The following ANKRD16 variants were observed in gnomAD, a reference collection of about 807,000 sequenced individuals.
The protein encoded by ANKRD16 is ankyrin repeat domain-containing protein 16.
In ANKRD16, 35 loss-of-function variants were observed where a neutral mutation model predicts 37.9. That is an observed-to-expected ratio of 0.92 (90% confidence interval 0.71 to 1.23). The LOEUF (loss-of-function observed/expected upper bound fraction) is 1.23. ANKRD16 is among the 50% of genes most tolerant of loss of function. The pLI, the probability that ANKRD16 is intolerant of heterozygous loss-of-function variation, is 0.00. For synonymous variants in ANKRD16, 206 were observed against 197.2 expected, an observed-to-expected ratio of 1.04 and a Z score of -0.37; for missense variants, 480 against 469.9, an observed-to-expected ratio of 1.02 and a Z score of -0.20.
In ANKRD16 at chr10:5,878,785, CA is replaced by C. The variant is rs55672822; in HGVS notation, c.929-499del. Among the ~76,000 whole-genome samples the C allele has an allele frequency of 0.78, 93,844 of 121,058 alleles. 35,228 individuals are homozygous for C. The highest frequency in any genetic ancestry group is 0.82 in the East Asian group (3,452 of 4,186). The allele number at this position is 121,058 out of a possible 152,430, so 79.4% of individuals were successfully genotyped here. A position where few individuals can be genotyped will look rare whatever the true frequency, so the allele number is the denominator to read the frequency against. Reference sequence around the variant, plus strand: ...TGGGTGACAGAGCAAGACTCTGCCTCAAAAAAAAAAAAAAAAGAAAAAGAAA... The same window carrying C: ...TGGGTGACAGAGCAAGACTCTGCCTCAAAAAAAAAAAAAAAGAAAAAGAAA... On this transcript the variant is annotated intron_variant, in intron 6 of 7. Coordinates refer to ENST00000380094, the MANE Select transcript of ANKRD16 (RefSeq NM_019046.3). This position sits in a 1 kb window ranked among gnomAD's most constrained non-coding sequence, Gnocchi z 5.1.
Position 5,866,518 on chromosome 10 carries a change from G to A in ANKRD16, c.*34-3827C>T, listed in dbSNP as rs1484388456. Among the ~76,000 whole-genome samples the A allele has an allele frequency of 1.3e-5, 2 of 152,184 alleles. No individual in the cohort carries two copies. Among genetic ancestry groups the A allele is most frequent in the Non-Finnish European group, 2.9e-5 (2 of 68,036 alleles). On this transcript the variant is annotated intron_variant, in intron 7 of 7. Coordinates refer to ENST00000380094, the MANE Select transcript of ANKRD16 (RefSeq NM_019046.3). This position sits in a 1 kb window ranked among gnomAD's most constrained non-coding sequence, Gnocchi z 4.3. ...TGGGAAAGGAAAGGAGAATAAATGT[G>A]TATACAGATAGCAAGTATGCTTATC...
chr10:5,878,019 A>C lies in ANKRD16; in HGVS notation c.*33+78T>G. 2.1e-6 allele frequency: 3 copies of C among 1,417,230 alleles called. No homozygotes were observed. The highest frequency in any genetic ancestry group is 2.9e-6 in the Non-Finnish European group (3 of 1,038,808). 87.8% of individuals were successfully genotyped at this position (1,417,230 alleles called of 1,614,324 possible). A position where few individuals can be genotyped will look rare whatever the true frequency, so the allele number is the denominator to read the frequency against. The stretch of plus-strand genomic sequence containing the variant: ...ACATGCAGGATGAGGGAAGGGAGGA[A>C]GTGGAGGAGATGGAAAACTGGCTTC... On this transcript the variant is annotated intron_variant, in intron 7 of 7. Transcript: ENST00000380094. This position sits in a 1 kb window ranked among gnomAD's most constrained non-coding sequence, Gnocchi z 5.1.
chr10:5,878,064 T>C lies in ANKRD16; in HGVS notation c.*33+33A>G. On this transcript the variant is annotated intron_variant, in intron 7 of 7. Coordinates refer to ENST00000380094, the MANE Select transcript of ANKRD16 (RefSeq NM_019046.3). This position sits in a 1 kb window ranked among gnomAD's most constrained non-coding sequence, Gnocchi z 5.1. Reference sequence around the variant, plus strand: ...GGCTTCCAACTGGTTTCGCTGAATCTGTGACTGACTTAAGAAGCAGGATAT... The same window carrying C: ...GGCTTCCAACTGGTTTCGCTGAATCCGTGACTGACTTAAGAAGCAGGATAT... 6.4e-7 allele frequency: 1 copy of C among 1,554,524 alleles called. No individual in the cohort carries two copies. Among genetic ancestry groups the C allele is most frequent in the South Asian group, 1.2e-5 (1 of 80,984 alleles).
chr10:5,867,328 G>C (rs1392891816), intron 7 of ANKRD16, among the ~76,000 whole-genome samples: 1 of 152,084 alleles, frequency 6.6e-6, no homozygotes, highest in Non-Finnish European at 1.5e-5. Context: ...CGGAGATTAA[G>C]GAAAAAAGAC....
chr10:5,886,020 C>T (rs557472937), intron 2 of ANKRD16, among the ~76,000 whole-genome samples: 1 of 152,316 alleles, frequency 6.6e-6, no homozygotes, highest in Admixed American at 6.5e-5. Context: ...TCATGGGAAA[C>T]TTTCAATCCT....
chr10:5,883,470 A>G (rs973096686), intron 4 of ANKRD16, among the ~76,000 whole-genome samples: 1 of 152,050 alleles, frequency 6.6e-6, no homozygotes, highest in African/African-American at 2.4e-5. Context: ...TAATTTTTAT[A>G]TTTTTAGTAG....
chr10:5,887,903 CAAACAGTGAGCAGGT>C lies in ANKRD16; in HGVS notation c.464_478del (p.Tyr155_Val159del). ...GCTCTCTGTCTTCCAGGCACCTGGGCAAACAGTGAGCAGGTACTGGAGGATCAGAGGGTCGCCTTC... is the reference window on the plus strand; with the variant it reads ...GCTCTCTGTCTTCCAGGCACCTGGGCACTGGAGGATCAGAGGGTCGCCTTC... On this transcript the variant is annotated inframe_deletion, in exon 2 of 8. Transcript: ENST00000380094. 1 of 1,614,202 alleles carries C rather than the reference CAAACAGTGAGCAGGT, an allele frequency of 6.2e-7. No individual in the cohort carries two copies.
intron 2 of ANKRD16, among the ~76,000 whole-genome samples, chr10:5,886,013 T>C (rs892555094): frequency 6.6e-6 from 1 of 152,250 alleles, no homozygotes; most frequent in African/African-American, 2.4e-5. Flanking sequence ...TGCACTTTCA[T>C]GGGAAACTTT....
In ANKRD16 at chr10:5,885,716, T is replaced by G. The variant is rs368978314; in HGVS notation, c.578+7A>C. 2.0e-4 allele frequency: 321 copies of G among 1,613,562 alleles called. No homozygotes were observed. Among genetic ancestry groups the G allele is most frequent in the Non-Finnish European group, 2.6e-4 (302 of 1,179,882 alleles). ...ATATTTTCCCTGACTTGCTGTATTG[T>G]TCTTACCTCTTAAGAAGCACCTTGA... On this transcript the variant is annotated splice_region_variant and intron_variant, in intron 3 of 7. Coordinates refer to ENST00000380094, the MANE Select transcript of ANKRD16 (RefSeq NM_019046.3).
rs1841986160 is a variant in ANKRD16, at chr10:5,864,384, G to C, written c.*34-1693C>G. The stretch of plus-strand genomic sequence containing the variant: ...TTATGTCCTTTTCAAGCTGTATGGG[G>C]AGGGGAATTTGGCCCAACCCGGGTA... On this transcript the variant is annotated intron_variant, in intron 7 of 7. Transcript: ENST00000380094. The surrounding 1 kb of genome is among the most constrained non-coding windows in gnomAD (Gnocchi z 4.4). Among the ~76,000 whole-genome samples, 2 of 152,062 alleles carry C rather than the reference G, an allele frequency of 1.3e-5. No homozygotes were observed. The highest frequency in any genetic ancestry group is 2.9e-5 in the Non-Finnish European group (2 of 68,014).
At position 5,863,557 on chromosome 10, in the gene ANKRD16, C is replaced by T. The variant is rs543068721; in HGVS notation, c.*34-866G>A. 3.9e-5 allele frequency among the ~76,000 whole-genome samples: 6 copies of T among 152,112 alleles called. No homozygotes were observed. Among genetic ancestry groups the T allele is most frequent in the Admixed American group, 6.5e-5 (1 of 15,282 alleles). ...AATGGACCAATCAGCAGGACGTGGGCGGGGACAAATAAGAGAATAAAAGCT... is the reference window on the plus strand; with the variant it reads ...AATGGACCAATCAGCAGGACGTGGGTGGGGACAAATAAGAGAATAAAAGCT... On this transcript the variant is annotated intron_variant, in intron 7 of 7. Coordinates refer to ENST00000380094, the MANE Select transcript of ANKRD16 (RefSeq NM_019046.3). The surrounding 1 kb of genome is among the most constrained non-coding windows in gnomAD (Gnocchi z 4.7).
At position 5,870,839 on chromosome 10, in the gene ANKRD16, C is replaced by T. The variant is rs771123618; in HGVS notation, c.*33+7258G>A. Among the ~76,000 whole-genome samples the T allele has an allele frequency of 1.4e-4, 21 of 152,148 alleles. No homozygotes were observed. The highest frequency in any genetic ancestry group is 2.8e-4 in the Non-Finnish European group (19 of 68,026). ...CATGTTGGTTGAAATGCCTGCAGAACCCTCCTGTTGCTGTGCTCAGGCCAG... is the reference window on the plus strand; with the variant it reads ...CATGTTGGTTGAAATGCCTGCAGAATCCTCCTGTTGCTGTGCTCAGGCCAG... On this transcript the variant is annotated intron_variant, in intron 7 of 7. Coordinates refer to ENST00000380094, the MANE Select transcript of ANKRD16 (RefSeq NM_019046.3). The surrounding 1 kb of genome is among the most constrained non-coding windows in gnomAD (Gnocchi z 5.0).
chr10:5,868,174 C>G lies in ANKRD16; in HGVS notation c.*34-5483G>C, dbSNP rs1312266001. On this transcript the variant is annotated intron_variant, in intron 7 of 7. Transcript: ENST00000380094. This position sits in a 1 kb window ranked among gnomAD's most constrained non-coding sequence, Gnocchi z 4.9. ...TTGTCAAATTTGTTTCCTCTAGGAT[C>G]GAGGCCATCAAGCTACAGATGGTCT... 6.6e-6 allele frequency among the ~76,000 whole-genome samples: 1 copy of G among 152,146 alleles called. No homozygotes were observed. Among genetic ancestry groups the G allele is most frequent in the Non-Finnish European group, 1.5e-5 (1 of 68,036 alleles).
At position 5,862,339 on chromosome 10, in the gene ANKRD16, G is replaced by A; in HGVS notation, c.*386C>T. 1 of 427,858 alleles carries A rather than the reference G, an allele frequency of 2.3e-6. No homozygotes were observed. The highest frequency in any genetic ancestry group is 4.6e-6 in the Non-Finnish European group (1 of 218,660). 26.5% of individuals were successfully genotyped at this position (427,858 alleles called of 1,614,324 possible). On this transcript the variant is annotated 3_prime_UTR_variant, in exon 8 of 8. Transcript: ENST00000380094. The surrounding 1 kb of genome is among the most constrained non-coding windows in gnomAD (Gnocchi z 6.5). ...TTTTTGTGTTTCTTTCTTTCTGTCG[G>A]TGGTTCCTGAGGGTTGTGACGATCA...
chr10:5,884,797 A>T (rs909894451), intron 3 of ANKRD16, among the ~76,000 whole-genome samples: 20 of 148,356 alleles, frequency 1.3e-4, no homozygotes, highest in Non-Finnish European at 2.5e-4. Context: ...TCATTCTCCC[A>T]CCCCTTCACT....
At chr10:5,886,302 G>A (rs1842422066) in intron 2 of ANKRD16, among the ~76,000 whole-genome samples, 1 of 152,160 alleles carries the variant, frequency 6.6e-6, no homozygotes, top group Non-Finnish European at 1.5e-5. Flanking sequence ...ATGATTCCTT[G>A]GTCCCTAATT....
rs1278963975 is a variant in ANKRD16, at chr10:5,865,915, G to T, written c.*34-3224C>A. 6.6e-6 allele frequency among the ~76,000 whole-genome samples: 1 copy of T among 152,122 alleles called. No homozygotes were observed. The highest frequency in any genetic ancestry group is 2.4e-5 in the African/African-American group (1 of 41,418). On this transcript the variant is annotated intron_variant, in intron 7 of 7. Transcript: ENST00000380094. The surrounding 1 kb of genome is among the most constrained non-coding windows in gnomAD (Gnocchi z 4.7). ...AGAGAGAGCAGAAATAGCTCTTGGG[G>T]TCCTTACTCAGACTCATGGGACAAC...
chr10:5,883,061 T>A lies in ANKRD16; in HGVS notation c.794A>T (p.Asp265Val). The A allele has an allele frequency of 6.2e-7, 1 of 1,614,146 alleles. No individual in the cohort carries two copies. The change falls in exon 5 of 8, where the codon GAT (aspartate) becomes GTT (valine). Residue 265 changes from aspartate (D) to valine (V), a missense_variant. Transcript: ENST00000380094. ...GGTTGATGTGGCTCTCACATCTACA[T>A]CGACGCCAAGTTCAGAGACCAAGAA... ...IRFLVSELGV[D>V]VDVRATSTHL...
intron 1 of ANKRD16, 91 bp downstream of exon 1, chr10:5,888,950 T>TACGGTGTCCAAGGGG (rs1427735150): frequency 7.4e-7 from 1 of 1,345,336 alleles, no homozygotes; most frequent in East Asian, 2.7e-5. Flanking sequence ...TGAGAACAGC[T>TACGGTGTCCAAGGGG]ACGGTGTCCA....
Sources: gnomAD v4.1 joint callset for allele counts (sites outside exome capture counted in the v4.1 genomes callset) on GRCh38, gnomAD v4.1.1 for gene constraint, Gnocchi (gnomAD v3.1) non-coding constraint, MANE v1.5 for transcripts, NCBI Gene and HGNC (gene_info 2026-07-23, HGNC 2026-07-21) for gene names.